The following OSBPL10 variants were observed in gnomAD, a reference collection of about 807,000 sequenced individuals.
OSBPL10 encodes the protein oxysterol-binding protein-related protein 10.
Under a neutral mutation model 81.7 loss-of-function variants are expected in OSBPL10, and 49 were observed. That is an observed-to-expected ratio of 0.60 (90% CI 0.48 to 0.76). The LOEUF (loss-of-function observed/expected upper bound fraction) is 0.76. OSBPL10 is among the 30% of genes least tolerant of loss of function. The pLI is 0.00. For missense variants in OSBPL10, 923 were observed against 987.8 expected (o/e 0.93, Z 0.88); for synonymous variants, 419 against 383.6 (o/e 1.09, Z -1.08).
chr3:31,976,982 C>T (rs1328423092), intron 1 of OSBPL10, among the ~76,000 whole-genome samples: 3 of 152,162 alleles, frequency 2.0e-5, no homozygotes, highest in Non-Finnish European at 4.4e-5. Flanking sequence ...ATATTATGAG[C>T]AACTCCAAAA....
intron 6 of OSBPL10, chr3:31,732,515 G>A (rs1345968914): frequency 6.6e-6 from 1 of 152,210 alleles, no homozygotes; most frequent in African/African-American, 2.4e-5. Context: ...GCCAGTTCAA[G>A]AGACTATATC....
At chr3:31,895,134 CTTTTTT>C (rs10529845) in intron 1 of OSBPL10, among the ~76,000 whole-genome samples, 5 of 124,894 alleles carry the variant, frequency 4.0e-5, no homozygotes, top group African/African-American at 1.3e-4. Context: ...TCTCTGCGGC[CTTTTTT>C]TTTTTTTTTT....
chr3:31,694,968 G>A (rs1695670079), intron 7 of OSBPL10, among the ~76,000 whole-genome samples: 3 of 152,240 alleles, frequency 2.0e-5, no homozygotes, highest in South Asian at 4.2e-4. Flanking sequence ...TGGTCAGGCT[G>A]GTCTCAAACT....
intron 6 of OSBPL10, chr3:31,717,159 A>C (rs1484279237): frequency 6.6e-6 from 1 of 152,254 alleles, no homozygotes; most frequent in Non-Finnish European, 1.5e-5. Flanking sequence ...TCTCCAGGCC[A>C]CGCAGAAGGT....
chr3:31,952,929 CTTT>C (rs57873437), intron 1 of OSBPL10, among the ~76,000 whole-genome samples: 22 of 116,536 alleles, frequency 1.9e-4, no homozygotes, highest in Middle Eastern at 4.6e-3. Context: ...AATCTTCCTA[CTTT>C]TTTTTTTTTT....
At chr3:31,682,819 G>A (rs1415593690) in intron 8 of OSBPL10, among the ~76,000 whole-genome samples, 1 of 152,134 alleles carries the variant, frequency 6.6e-6, no homozygotes, top group Non-Finnish European at 1.5e-5. Context: ...AGCTCCTAAG[G>A]CAATGCCAAG....
intron 3 of OSBPL10, among the ~76,000 whole-genome samples, chr3:31,866,192 G>C (rs1701175273): frequency 6.6e-6 from 1 of 152,102 alleles, no homozygotes; most frequent in Non-Finnish European, 1.5e-5. Flanking sequence ...TTTTGCTATG[G>C]ATAGAATTCC....
intron 1 of OSBPL10, among the ~76,000 whole-genome samples, chr3:31,913,644 T>C (rs550765674): frequency 2.0e-5 from 3 of 152,356 alleles, no homozygotes; most frequent in South Asian, 2.1e-4. Context: ...TAGACTACTG[T>C]AGACCACAGG....
chr3:31,925,765 A>T (rs1697055624), intron 1 of OSBPL10, among the ~76,000 whole-genome samples: 1 of 152,150 alleles, frequency 6.6e-6, no homozygotes, highest in African/African-American at 2.4e-5. Flanking sequence ...GTGAGCCGAG[A>T]TTGTGCCACT....
At chr3:31,703,207 A>C (rs1398872849) in intron 6 of OSBPL10, among the ~76,000 whole-genome samples, 1 of 152,196 alleles carries the variant, frequency 6.6e-6, no homozygotes, top group East Asian at 1.9e-4. Context: ...AACTTAATAA[A>C]CTGGGCAAGG....
chr3:31,832,252 G>C (rs1467505055), intron 3 of OSBPL10, among the ~76,000 whole-genome samples: 1 of 152,158 alleles, frequency 6.6e-6, no homozygotes, highest in Non-Finnish European at 1.5e-5. Context: ...AAACTATAAA[G>C]TGGCTGCTTA....
At chr3:32,001,775 A>T (rs1402662551) in intron 2 of OSBPL10, among the ~76,000 whole-genome samples, 2 of 152,108 alleles carry the variant, frequency 1.3e-5, no homozygotes. Flanking sequence ...AGTCAGTGAA[A>T]TGTGCACACC....
chr3:31,891,238 C>T (rs893996698), intron 1 of OSBPL10, among the ~76,000 whole-genome samples: 2 of 152,098 alleles, frequency 1.3e-5, no homozygotes, highest in African/African-American at 2.4e-5. Flanking sequence ...AGACTTTGCC[C>T]ACATCAGAAT....
rs962691649 is a variant in OSBPL10 at position 31,981,004 on chromosome 3, C to T, written c.176G>A (p.Gly59Asp). 6 of 1,499,484 alleles carry T rather than the reference C, an allele frequency of 4.0e-6. No individual in the cohort carries two copies. Among genetic ancestry groups the T allele is most frequent in the Non-Finnish European group, 5.3e-6 (6 of 1,128,632 alleles). The allele number at this position is 1,499,484 out of a possible 1,614,324, so 92.9% of individuals were successfully genotyped here. A position where few individuals can be genotyped will look rare whatever the true frequency, so the allele number is the denominator to read the frequency against. ...CCCGGACGGGCTAGCGGCCACAGAGCCCGGGCTGCTGCGGCTTCCCCCGCC... is the reference window on the plus strand; with the variant it reads ...CCCGGACGGGCTAGCGGCCACAGAGTCCGGGCTGCTGCGGCTTCCCCCGCC... ...LGGGGSRSSP[G>D]SVAASPSGGG... Residue 59 changes from glycine to aspartate, a missense_variant, in exon 1 of 12, where the codon GGC (glycine) becomes GAC (aspartate). By Grantham distance (94) the Gly-to-Asp change is moderately conservative. This residue lies in a region of OSBPL10 where 514 missense variants were observed against 508.0 expected (regional missense o/e 1.01). Transcript: ENST00000396556. The surrounding 1 kb of genome is among the most constrained non-coding windows in gnomAD (Gnocchi z 4.5).
intron 2 of OSBPL10, among the ~76,000 whole-genome samples, chr3:32,020,565 T>C (rs1699353289): frequency 6.6e-6 from 1 of 152,226 alleles, no homozygotes; most frequent in African/African-American, 2.4e-5. Flanking sequence ...TTGGATTCTT[T>C]CCAGTTTTCA....
chr3:31,947,809 A>T (rs917586701), intron 1 of OSBPL10, among the ~76,000 whole-genome samples: 4 of 151,516 alleles, frequency 2.6e-5, no homozygotes, highest in African/African-American at 9.8e-5. Context: ...TCCTATGCAA[A>T]TGAGTGCTTG....
intron 2 of OSBPL10, among the ~76,000 whole-genome samples, chr3:31,999,650 C>T (rs1484311933): frequency 4.6e-5 from 7 of 152,168 alleles, no homozygotes; most frequent in Admixed American, 2.0e-4. Flanking sequence ...TGTGAGCCAC[C>T]GTGCCCGGCC....
At chr3:31,860,670 GTTT>G (rs980874734) in intron 3 of OSBPL10, among the ~76,000 whole-genome samples, 11 of 152,030 alleles carry the variant, frequency 7.2e-5, no homozygotes, top group African/African-American at 2.4e-4. Flanking sequence ...TTCTCTTTCT[GTTT>G]TTTGTTGTTG....
Position 31,980,866 on chromosome 3 carries a change from G to A in OSBPL10, c.281+33C>T. On this transcript the variant is annotated intron_variant, in intron 1 of 11. Transcript: ENST00000396556. ...GCACACACACACACACACACACAGC[G>A]GCGCGCGGTGGCGCGGGCGGCTGGC... 3.3e-6 allele frequency: 5 copies of A among 1,532,622 alleles called. No individual in the cohort carries two copies. In the South Asian group the frequency reaches 4.9e-5, roughly 15 times the overall value. 94.9% of individuals were successfully genotyped at this position (1,532,622 alleles called of 1,614,324 possible). A position where few individuals can be genotyped will look rare whatever the true frequency, so the allele number is the denominator to read the frequency against.
Sources: gnomAD v4.1 joint callset for allele counts (sites outside exome capture counted in the v4.1 genomes callset) on GRCh38, gnomAD v4.1.1 for gene constraint, gnomAD v4.1.1 regional missense constraint, Gnocchi (gnomAD v3.1) non-coding constraint, MANE v1.5 for transcripts, NCBI Gene and HGNC (gene_info 2026-07-23, HGNC 2026-07-21) for gene names.